TRPA1: variants seen among roughly 807,000 people sequenced by gnomAD.
TRPA1 encodes ankyrin-like with transmembrane domains 1.
TRPA1 carries 129 observed loss-of-function variants against 131.3 expected under a neutral mutation model. The observed-to-expected ratio is 0.98, with a 90% CI of 0.85 to 1.14. TRPA1 has a LOEUF of 1.14. Ranked by LOEUF, TRPA1 falls within the 50% of genes most tolerant of loss-of-function variation. The probability of loss-of-function intolerance (pLI) is 0.00; values close to 1 mark genes in which losing one functional copy is unlikely to be tolerated. For missense variants in TRPA1, 1,304 were observed against 1,354.2 expected (o/e 0.96, Z 0.58); for synonymous variants, 441 against 451.7 (o/e 0.98, Z 0.30).
chr8:72,059,564 G>A (rs1805756696), intron 7 of TRPA1, 126 bp from the exon 8 acceptor site: 1 of 591,474 alleles, frequency 1.7e-6, no homozygotes, highest in Non-Finnish European at 2.8e-6. Context: ...TAGAATGTTA[G>A]AGAATTAGTA....
intron 21 of TRPA1, among the ~76,000 whole-genome samples, chr8:72,034,973 T>C (rs181008758): frequency 3.3e-5 from 5 of 152,306 alleles, no homozygotes; most frequent in Admixed American, 6.5e-5. Flanking sequence ...ATTAGAGAGA[T>C]AAATTGTGTG....
chr8:72,072,478 A>G (rs887365114), intron 1 of TRPA1, among the ~76,000 whole-genome samples: 3 of 152,204 alleles, frequency 2.0e-5, no homozygotes, highest in African/African-American at 7.2e-5. Context: ...TCACTCTTCT[A>G]TGGTAGTCTC....
intron 17 of TRPA1, among the ~76,000 whole-genome samples, chr8:72,042,373 G>C (rs528461636): frequency 1.3e-5 from 2 of 151,802 alleles, no homozygotes; most frequent in African/African-American, 4.8e-5. Flanking sequence ...ATACCACTTC[G>C]CATCCGTTAG....
chr8:72,047,062 A>T, intron 16 of TRPA1, 86 bp downstream of exon 16: 1 of 1,019,998 alleles, frequency 9.8e-7, no homozygotes, highest in Non-Finnish European at 1.5e-6. Flanking sequence ...GCAGTAGATT[A>T]CAGATCAATA....
chr8:72,045,661 C>A (rs1812404422), intron 17 of TRPA1, among the ~76,000 whole-genome samples: 1 of 151,134 alleles, frequency 6.6e-6, no homozygotes, highest in South Asian at 2.1e-4. Context: ...CCAATATTTA[C>A]ACAATTGTGG....
chr8:72,061,845 C>T (rs1384599858), intron 6 of TRPA1, 84 bp from the exon 7 acceptor site: 1 of 1,429,828 alleles, frequency 7.0e-7, no homozygotes, highest in East Asian at 2.4e-5. Flanking sequence ...CTTTTTCTTC[C>T]CAGGTTCATA....
At position 72,023,901 on chromosome 8, in the gene TRPA1, C is replaced by T. The variant is rs757593013; in HGVS notation, c.3062G>A (p.Cys1021Tyr). 6.3e-7 allele frequency: 1 copy of T among 1,583,026 alleles called. No homozygotes were observed. Among genetic ancestry groups the T allele is most frequent in the South Asian group, 1.1e-5 (1 of 90,220 alleles). The change falls in exon 26 of 27, where the codon TGT (cysteine) becomes TAT (tyrosine). Residue 1021 changes from cysteine to tyrosine, a missense_variant. Transcript: ENST00000262209. ...TATTTCCCCAGTGCAAAATAAAAAA[C>T]AGAATATATGCTGTCGGATAAAAAA... Reference protein sequence around the residue: ...RSGGMLFHIFCFLFCTGEIRQ... With the variant: ...RSGGMLFHIFYFLFCTGEIRQ...
intron 14 of TRPA1, 190 bp downstream of exon 14, chr8:72,052,409 T>A: frequency 1.8e-6 from 1 of 559,314 alleles, no homozygotes. Context: ...GCGACAGAGC[T>A]AGACCTTTTC....
intron 13 of TRPA1, 125 bp from the exon 14 acceptor site, chr8:72,052,890 GGT>G: frequency 9.2e-7 from 1 of 1,083,960 alleles, no homozygotes. Flanking sequence ...ACTTAAAACT[GGT>G]GTTCAGAATC....
intron 24 of TRPA1, among the ~76,000 whole-genome samples, chr8:72,028,453 G>A (rs891178701): frequency 2.0e-5 from 3 of 152,074 alleles, no homozygotes; most frequent in African/African-American, 7.2e-5. Context: ...CTTTCACGAC[G>A]GTATCGATGT....
At chr8:72,026,139 G>A (rs1811601659) in intron 24 of TRPA1, 66 bp from the exon 25 acceptor site, 1 of 1,221,202 alleles carries the variant, frequency 8.2e-7, no homozygotes, top group Non-Finnish European at 1.2e-6. Flanking sequence ...ATATGGCACA[G>A]AGGCAATCAT....
Position 72,021,901 on chromosome 8 carries a change from A to G in TRPA1, c.*1005T>C, listed in dbSNP as rs767985875. On this transcript the variant is annotated 3_prime_UTR_variant, in exon 27 of 27. Coordinates refer to ENST00000262209, the MANE Select transcript of TRPA1 (RefSeq NM_007332.3). ...GAAATAGAAGCTATAGCATAATAACATCTGTGTAAATAATAACAGACTCAA... is the reference window on the plus strand; with the variant it reads ...GAAATAGAAGCTATAGCATAATAACGTCTGTGTAAATAATAACAGACTCAA... The G allele has an allele frequency of 3.9e-5, 6 of 152,214 alleles. No homozygotes were observed. Among genetic ancestry groups the G allele is most frequent in the Non-Finnish European group, 7.3e-5 (5 of 68,028 alleles). 9.4% of individuals were successfully genotyped at this position (152,214 alleles called of 1,614,324 possible).
chr8:72,036,802 C>T (rs972674910), intron 20 of TRPA1, among the ~76,000 whole-genome samples: 7 of 152,154 alleles, frequency 4.6e-5, no homozygotes, highest in African/African-American at 1.2e-4. Flanking sequence ...CCTTTCTATC[C>T]GTATAACAAC....
chr8:72,060,506 T>A (rs1004913927), intron 7 of TRPA1: 5 of 152,290 alleles, frequency 3.3e-5, no homozygotes, highest in African/African-American at 1.2e-4. Flanking sequence ...TTTACTGAAT[T>A]ATTTTCATAT....
chr8:72,070,083 G>A (rs1806024632), intron 2 of TRPA1, among the ~76,000 whole-genome samples: 1 of 152,110 alleles, frequency 6.6e-6, no homozygotes, highest in African/African-American at 2.4e-5. Flanking sequence ...TTTTCATCCT[G>A]CAAAGTCCTA....
At chr8:72,072,276 C>T (rs78577752) in intron 1 of TRPA1, among the ~76,000 whole-genome samples, 216 of 152,166 alleles carry the variant, frequency 1.4e-3, no homozygotes, top group African/African-American at 4.9e-3. Flanking sequence ...GAGCATTTCT[C>T]ACTACTGAAA....
chr8:72,057,900 A>G, intron 8 of TRPA1, 84 bp from the exon 9 acceptor site: 1 of 1,000,956 alleles, frequency 1.0e-6, no homozygotes, highest in Non-Finnish European at 1.6e-6. Context: ...ATGGTAATTC[A>G]TTGATACAGA....
At chr8:72,034,203 C>G (rs1811945686) in intron 22 of TRPA1, 45 bp downstream of exon 22, 1 of 1,549,680 alleles carries the variant, frequency 6.5e-7, no homozygotes, top group Non-Finnish European at 8.8e-7. Flanking sequence ...TATATATTTC[C>G]ATAATTCACA....
chr8:72,086,118 G>C, the TRPA1 span, among the ~76,000 whole-genome samples: 2 of 151,938 alleles, frequency 1.3e-5, no homozygotes, highest in African/African-American at 4.8e-5. Flanking sequence ...AGCCAGGATG[G>C]TCTCGATCTC....
Sources: allele counts gnomAD v4.1 joint callset (sites outside exome capture counted in the v4.1 genomes callset), GRCh38; gene constraint gnomAD v4.1.1; transcripts MANE v1.5; gene names NCBI Gene and HGNC (gene_info 2026-07-23, HGNC 2026-07-21).